CADM2: variants seen among roughly 807,000 people sequenced by gnomAD.
CADM2 encodes the protein cell adhesion molecule 2.
Under a neutral mutation model 49.8 loss-of-function variants are expected in CADM2, and 12 were observed. The ratio of observed to expected loss-of-function variants is 0.24; its 90% CI spans 0.15 to 0.39. The LOEUF is 0.39. Among genes scored for constraint, CADM2 ranks in the 10% least tolerant of loss-of-function variants. The pLI, the probability that CADM2 is intolerant of heterozygous loss-of-function variation, is 1.00. For synonymous variants in CADM2, 214 were observed against 175.4 expected (o/e 1.22, Z -1.74); for missense variants, 378 against 492.3 (o/e 0.77, Z 2.20).
intron 8 of CADM2, among the ~76,000 whole-genome samples, chr3:86,016,464 A>G (rs1472891248): frequency 6.6e-6 from 1 of 152,164 alleles, no homozygotes; most frequent in East Asian, 1.9e-4. Context: ...AATGACATGT[A>G]AGGAAAAAAT....
At chr3:85,762,310 G>T (rs1345198863) in intron 2 of CADM2, among the ~76,000 whole-genome samples, 1 of 151,910 alleles carries the variant, frequency 6.6e-6, no homozygotes, top group African/African-American at 2.4e-5. Context: ...ATTTCTTTTG[G>T]CATAACTCCC....
chr3:85,846,228 T>C (rs570678606), intron 3 of CADM2, among the ~76,000 whole-genome samples: 68 of 152,356 alleles, frequency 4.5e-4, no homozygotes, highest in Admixed American at 8.5e-4. Flanking sequence ...AATGACTATT[T>C]GGAATATTTT....
rs373438789 is a variant in CADM2, at chr3:85,455,850, T to C, written c.62-270672T>C. On this transcript the variant is annotated intron_variant, in intron 1 of 9. Coordinates refer to ENST00000383699, the MANE Select transcript of CADM2 (RefSeq NM_001167675.2). ...GAAAGTGGGTATGAGTGTGTTCGTG[T>C]GTGTGTGTATTTAAAAGACATAGTG... is the stretch of plus-strand genomic sequence containing the variant. Among the ~76,000 whole-genome samples the C allele has an allele frequency of 2.6e-5, 4 of 152,230 alleles. No individual in the cohort carries two copies. The East Asian group carries it at 7.7e-4, about 29-fold the overall frequency.
intron 8 of CADM2, chr3:86,014,916 A>T: frequency 6.6e-7 from 1 of 1,519,114 alleles, no homozygotes; most frequent in South Asian, 1.1e-5. Context: ...GACGGTTGAG[A>T]ATGAGTGGTA....
chr3:85,681,814 G>T (rs1162725020), intron 1 of CADM2, among the ~76,000 whole-genome samples: 1 of 151,960 alleles, frequency 6.6e-6, no homozygotes, highest in African/African-American at 2.4e-5. Context: ...TTGTTTCATT[G>T]CTTCTTAACT....
intron 2 of CADM2, among the ~76,000 whole-genome samples, chr3:85,801,173 C>T (rs1357056060): frequency 3.9e-5 from 6 of 151,990 alleles, no homozygotes; most frequent in South Asian, 2.1e-4. Context: ...ATTATGTATC[C>T]GTGTGCATAA....
chr3:85,980,384 AGTCTTTG>A (rs1727332640), intron 8 of CADM2, among the ~76,000 whole-genome samples: 1 of 151,496 alleles, frequency 6.6e-6, no homozygotes, highest in Admixed American at 6.6e-5. Context: ...CAGTTATAAT[AGTCTTTG>A]TTTCAGAAAA....
At chr3:86,015,461 T>A (rs774707475) in intron 8 of CADM2, among the ~76,000 whole-genome samples, 1 of 152,210 alleles carries the variant, frequency 6.6e-6, no homozygotes, top group Non-Finnish European at 1.5e-5. Context: ...TGAAGAAGTA[T>A]GTTTTGAAGA....
At chr3:85,948,046 T>G (rs564266872) in intron 7 of CADM2, among the ~76,000 whole-genome samples, 12 of 151,580 alleles carry the variant, frequency 7.9e-5, no homozygotes, top group Non-Finnish European at 1.5e-4. Context: ...GTTTAGTAGA[T>G]TTTTCAGACA....
chr3:85,324,400 A>G (rs1180069356), intron 1 of CADM2, among the ~76,000 whole-genome samples: 1 of 152,136 alleles, frequency 6.6e-6, no homozygotes, highest in Non-Finnish European at 1.5e-5. Flanking sequence ...GCCTCTTCTT[A>G]ATGATTGTAT....
At chr3:85,365,199 C>CTTTTTTTTTTTTTTTTTTT in intron 1 of CADM2, among the ~76,000 whole-genome samples, 1 of 104,716 alleles carries the variant, frequency 9.5e-6, no homozygotes, top group Non-Finnish European at 1.8e-5. Flanking sequence ...TTTTTTTTTA[C>CTTTTTTTTTTTTTTTTTTT]TTTTTTTTTT....
chr3:85,127,777 C>G (rs1423381585), intron 1 of CADM2, among the ~76,000 whole-genome samples: 7 of 152,100 alleles, frequency 4.6e-5, no homozygotes, highest in Non-Finnish European at 1.0e-4. Flanking sequence ...CAAGGGGCTC[C>G]CCTATCTCTG....
intron 1 of CADM2, among the ~76,000 whole-genome samples, chr3:85,646,155 C>G (rs773187116): frequency 6.6e-6 from 1 of 151,968 alleles, no homozygotes; most frequent in Non-Finnish European, 1.5e-5. Context: ...CTTTTAGTTT[C>G]CTCCTTTGGA....
chr3:85,020,314 G>A (rs1002135721), intron 1 of CADM2, among the ~76,000 whole-genome samples: 1 of 152,032 alleles, frequency 6.6e-6, no homozygotes, highest in Non-Finnish European at 1.5e-5. Flanking sequence ...ATTTGCTTTA[G>A]GATTAGATAA....
intron 1 of CADM2, among the ~76,000 whole-genome samples, chr3:85,564,716 C>G (rs1181483701): frequency 4.0e-5 from 6 of 151,820 alleles, no homozygotes; most frequent in Non-Finnish European, 8.8e-5. Flanking sequence ...TTTTTTAATT[C>G]TATAATTAAA....
intron 1 of CADM2, among the ~76,000 whole-genome samples, chr3:85,290,879 G>A (rs561902176): frequency 1.1e-4 from 17 of 152,206 alleles, no homozygotes; most frequent in East Asian, 1.9e-4. Flanking sequence ...AAAGCAGAGC[G>A]CCTCTCCTTC....
intron 1 of CADM2, among the ~76,000 whole-genome samples, chr3:85,127,331 ATTG>A (rs2039071059): frequency 6.6e-6 from 1 of 152,208 alleles, no homozygotes; most frequent in African/African-American, 2.4e-5. Context: ...TTTTATTACA[ATTG>A]TTGTCCTTAT....
chr3:85,461,087 A>T (rs562299945), intron 1 of CADM2, among the ~76,000 whole-genome samples: 1 of 152,282 alleles, frequency 6.6e-6, no homozygotes, highest in African/African-American at 2.4e-5. Flanking sequence ...ATTCAGTGGA[A>T]GGTACAGAGA....
At position 84,967,299 on chromosome 3, in the gene CADM2, A is replaced by G. The variant is rs548099393; in HGVS notation, c.61+7631A>G. 4.6e-5 allele frequency among the ~76,000 whole-genome samples: 7 copies of G among 152,230 alleles called. No homozygotes were observed. The East Asian group carries it at 1.4e-3, about 29-fold the overall frequency. On this transcript the variant is annotated intron_variant, in intron 1 of 9. Transcript: ENST00000383699. Reference sequence around the variant, plus strand: ...AATGCTTATTTAAACATCAAGGCCTAAAATTTATAGTGTGTAAAAAAAGTC... The same window carrying G: ...AATGCTTATTTAAACATCAAGGCCTGAAATTTATAGTGTGTAAAAAAAGTC...
Sources: allele counts gnomAD v4.1 joint callset (sites outside exome capture counted in the v4.1 genomes callset), GRCh38; gene constraint gnomAD v4.1.1; transcripts MANE v1.5; gene names NCBI Gene and HGNC (gene_info 2026-07-23, HGNC 2026-07-21).